RAB14: variants seen among roughly 807,000 people sequenced by gnomAD.
RAB14 encodes ras-related protein Rab-14.
In RAB14, 3 loss-of-function variants were observed where a neutral mutation model predicts 31.1. The ratio of observed to expected loss-of-function variants is 0.10; its 90% CI spans 0.04 to 0.25. The LOEUF is 0.25. RAB14 is among the 10% of genes least tolerant of loss of function. The probability of loss-of-function intolerance (pLI) is 1.00; values close to 1 mark genes in which losing one functional copy is unlikely to be tolerated. For missense variants in RAB14, 111 were observed against 260.1 expected, an observed-to-expected ratio of 0.43 and a Z score of 3.94; for synonymous variants, 85 against 84.9, an observed-to-expected ratio of 1.00 and a Z score of 0.00.
chr9:121,190,545 A>C lies in RAB14; in HGVS notation c.284+9T>G, dbSNP rs370203411. On this transcript the variant is annotated intron_variant, in intron 4 of 7. Coordinates refer to ENST00000373840, the MANE Select transcript of RAB14 (RefSeq NM_016322.4). The stretch of plus-strand genomic sequence containing the variant: ...TTCCCCATATGAAGGTTGAAAAATT[A>C]TCTCTTACCTAGTGATATCATAGAC... 8 of 1,560,018 alleles carry C rather than the reference A, an allele frequency of 5.1e-6. No individual in the cohort carries two copies. Among genetic ancestry groups the C allele is most frequent in the Non-Finnish European group, 6.9e-6 (8 of 1,152,596 alleles).
chr9:121,182,308 C>T lies in RAB14; in HGVS notation c.470+622G>A, dbSNP rs369070771. Among the ~76,000 whole-genome samples the T allele has an allele frequency of 4.6e-5, 7 of 152,278 alleles. No individual in the cohort carries two copies. In the South Asian group the frequency reaches 1.0e-3, roughly 23 times the overall value. ...AAGCATGAACTGAGCTGTTTTTAATCGGGTAATGGTGACATAATCATGCTT... is the reference window on the plus strand; with the variant it reads ...AAGCATGAACTGAGCTGTTTTTAATTGGGTAATGGTGACATAATCATGCTT... On this transcript the variant is annotated intron_variant, in intron 7 of 7. Transcript: ENST00000373840.
At chr9:121,188,853 T>C (rs190779219) in intron 4 of RAB14, among the ~76,000 whole-genome samples, 2 of 152,146 alleles carry the variant, frequency 1.3e-5, no homozygotes, top group Admixed American at 6.6e-5. Flanking sequence ...GTACGTAATT[T>C]AGTTGTTTTA....
chr9:121,185,277 G>A (rs916495601), intron 5 of RAB14, among the ~76,000 whole-genome samples: 2 of 152,080 alleles, frequency 1.3e-5, no homozygotes, highest in African/African-American at 4.8e-5. Context: ...AAAAATAACA[G>A]TGAGGTCCTG....
chr9:121,186,794 A>C (rs1423082092), intron 5 of RAB14, among the ~76,000 whole-genome samples, 159 bp downstream of exon 5: 1 of 152,168 alleles, frequency 6.6e-6, no homozygotes, highest in East Asian at 1.9e-4. Flanking sequence ...ATAAGAACTG[A>C]AAAATAACTG....
chr9:121,188,829 C>G (rs1000853161), intron 4 of RAB14, among the ~76,000 whole-genome samples: 3 of 152,096 alleles, frequency 2.0e-5, no homozygotes, highest in Non-Finnish European at 2.9e-5. Flanking sequence ...TATCATAAAG[C>G]TTATTCTTTT....
At position 121,193,457 on chromosome 9, in the gene RAB14, G is replaced by T. The variant is rs369346870; in HGVS notation, c.-7-38C>A. On this transcript the variant is annotated intron_variant, in intron 1 of 7. Coordinates refer to ENST00000373840, the MANE Select transcript of RAB14 (RefSeq NM_016322.4). ...AAATCTCTGTTACTTCAGAAGGAAA[G>T]CATATACAAGTAATTCAAACGGATG... is the stretch of plus-strand genomic sequence containing the variant. 2,023 of 1,349,816 alleles carry T rather than the reference G, an allele frequency of 1.5e-3. 4 individuals carry two copies. Among genetic ancestry groups the T allele is most frequent in the Non-Finnish European group, 1.8e-3 (1,785 of 967,464 alleles). 83.6% of individuals were successfully genotyped at this position (1,349,816 alleles called of 1,614,324 possible). A position where few individuals can be genotyped will look rare whatever the true frequency, so the allele number is the denominator to read the frequency against.
intron 1 of RAB14, 73 bp from the exon 2 acceptor site, chr9:121,193,492 C>A: frequency 3.2e-6 from 3 of 949,884 alleles, no homozygotes; most frequent in South Asian, 1.5e-5. Context: ...GACTGATATC[C>A]TTTAAAGGTA....
At chr9:121,194,404 A>C (rs2053704033) in intron 1 of RAB14, among the ~76,000 whole-genome samples, 1 of 152,200 alleles carries the variant, frequency 6.6e-6, no homozygotes, top group Admixed American at 6.5e-5. Context: ...CTTAACCTAA[A>C]GAATTCTAAT....
chr9:121,197,332 C>G (rs1239839841), intron 1 of RAB14, among the ~76,000 whole-genome samples: 1 of 152,164 alleles, frequency 6.6e-6, no homozygotes, highest in Non-Finnish European at 1.5e-5. Flanking sequence ...GTTTTCACCA[C>G]TGGGGAAACA....
At chr9:121,192,072 A>AAC (rs2053689878) in intron 3 of RAB14, 99 bp downstream of exon 3, 2 of 859,134 alleles carry the variant, frequency 2.3e-6, no homozygotes, top group Non-Finnish European at 3.5e-6. Context: ...GAAAGGTTAT[A>AAC]TTTAAATGCA....
At chr9:121,193,277 G>T in intron 2 of RAB14, 84 bp downstream of exon 2, 1 of 897,140 alleles carries the variant, frequency 1.1e-6, no homozygotes, top group Non-Finnish European at 1.8e-6. Context: ...CAGTCCTGAA[G>T]TGGTACTGTT....
At chr9:121,185,025 A>G (rs2053651715) in intron 5 of RAB14, among the ~76,000 whole-genome samples, 1 of 152,178 alleles carries the variant, frequency 6.6e-6, no homozygotes, top group Admixed American at 6.6e-5. Flanking sequence ...CCCACAACAA[A>G]ATGGTAGAGA....
At chr9:121,192,835 C>T (rs959223085) in intron 2 of RAB14, among the ~76,000 whole-genome samples, 1 of 152,066 alleles carries the variant, frequency 6.6e-6, no homozygotes, top group Non-Finnish European at 1.5e-5. Flanking sequence ...GTGAACAATT[C>T]ATTGAAAAAC....
rs554756257 is a variant in RAB14 at position 121,178,705 on chromosome 9, G to C, written c.*2691C>G. On this transcript the variant is annotated 3_prime_UTR_variant, in exon 8 of 8. Transcript: ENST00000373840. ...ACCACCAACCAAAAAAAAATAATAAGTTACTCCATCAAACACGTTATTATC... is the reference window on the plus strand; with the variant it reads ...ACCACCAACCAAAAAAAAATAATAACTTACTCCATCAAACACGTTATTATC... The C allele has an allele frequency of 6.6e-6, 1 of 152,218 alleles. No homozygotes were observed. Among genetic ancestry groups the C allele is most frequent in the African/African-American group, 2.4e-5 (1 of 41,448 alleles). The allele number at this position is 152,218 out of a possible 1,614,324, so 9.4% of individuals were successfully genotyped here.
In RAB14 at chr9:121,182,916, T is replaced by G. The variant is rs1332981108; in HGVS notation, c.470+14A>C. ...TGAATATAATTGAAATATCTGTATT[T>G]TGGTCACACTTACGTTTTTGCACTC... On this transcript the variant is annotated intron_variant, in intron 7 of 7. Transcript: ENST00000373840. The G allele has an allele frequency of 6.2e-7, 1 of 1,601,768 alleles. No individual in the cohort carries two copies. Among genetic ancestry groups the G allele is most frequent in the South Asian group, 1.1e-5 (1 of 89,654 alleles).
intron 4 of RAB14, among the ~76,000 whole-genome samples, chr9:121,188,238 T>C (rs1316407779): frequency 6.6e-6 from 1 of 152,002 alleles, no homozygotes; most frequent in Non-Finnish European, 1.5e-5. Context: ...CTGTGTTTGA[T>C]ATTCGTATTA....
intron 1 of RAB14, among the ~76,000 whole-genome samples, chr9:121,201,400 G>A (rs958802838): frequency 6.6e-6 from 1 of 152,066 alleles, no homozygotes; most frequent in Non-Finnish European, 1.5e-5. Flanking sequence ...CGGTTGGGGA[G>A]GGCAGGAGGC....
At position 121,178,694 on chromosome 9, in the gene RAB14, AAAAAT is replaced by A. The variant is rs901652456; in HGVS notation, c.*2697_*2701del. ...TTAACGTGTAAACCACCAACCAAAA[AAAAAT>A]AATAAGTTACTCCATCAAACACGTT... is the stretch of plus-strand genomic sequence containing the variant. On this transcript the variant is annotated 3_prime_UTR_variant, in exon 8 of 8. Coordinates refer to ENST00000373840, the MANE Select transcript of RAB14 (RefSeq NM_016322.4). The A allele has an allele frequency of 1.3e-5, 2 of 152,372 alleles. No homozygotes were observed. Among genetic ancestry groups the A allele is most frequent in the African/African-American group, 4.8e-5 (2 of 41,428 alleles). 9.4% of individuals were successfully genotyped at this position (152,372 alleles called of 1,614,324 possible).
chr9:121,184,051 G>A (rs1430931946), intron 5 of RAB14, among the ~76,000 whole-genome samples: 1 of 152,110 alleles, frequency 6.6e-6, no homozygotes, highest in Non-Finnish European at 1.5e-5. Flanking sequence ...CTCAAATAAG[G>A]CAAAAGGACT....
Sources: allele counts gnomAD v4.1 joint callset (sites outside exome capture counted in the v4.1 genomes callset), GRCh38; gene constraint gnomAD v4.1.1; transcripts MANE v1.5; gene names NCBI Gene and HGNC (gene_info 2026-07-23, HGNC 2026-07-21).